Variants in PTPRU observed in about 807,000 individuals in gnomAD.
The protein encoded by PTPRU is receptor-type tyrosine-protein phosphatase U.
A neutral mutation model predicts 166.3 loss-of-function variants in PTPRU; 69 were observed. The observed-to-expected ratio is 0.41, with a 90% CI of 0.34 to 0.51. The LOEUF (loss-of-function observed/expected upper bound fraction) is 0.51. Ranked by LOEUF, PTPRU falls within the 20% of genes least tolerant of loss-of-function variation. The pLI, the probability that PTPRU is intolerant of heterozygous loss-of-function variation, is 0.09. For missense variants in PTPRU, 1,657 were observed against 2,013.7 expected (o/e 0.82, Z 3.39); for synonymous variants, 793 against 814.0 (o/e 0.97, Z 0.44).
rs200966742 is a variant in PTPRU, at chr1:29,314,913, G to T, written c.3228-459G>T. On this transcript the variant is annotated intron_variant, in intron 22 of 29. Transcript: ENST00000373779. ...GTTTTAATAAAAACCTGCCCACGTT[G>T]CTTTGGGAACTCAAAAGAATGACAT... Among the ~76,000 whole-genome samples the T allele has an allele frequency of 1.3e-4, 20 of 152,284 alleles. 1 individual carries two copies. The East Asian group carries it at 3.5e-3, about 26-fold the overall frequency.
intron 15 of PTPRU, among the ~76,000 whole-genome samples, chr1:29,293,091 T>G (rs1686717096): frequency 6.6e-6 from 1 of 152,198 alleles, no homozygotes. Flanking sequence ...GCAATTCTCC[T>G]GGCTCAGCCT....
rs1291076988 is a variant in PTPRU at position 29,280,956 on chromosome 1, C to G, written c.1868+815C>G. Among the ~76,000 whole-genome samples, 1 of 152,298 alleles carries G rather than the reference C, an allele frequency of 6.6e-6. No homozygotes were observed. Among genetic ancestry groups the G allele is most frequent in the South Asian group, 2.1e-4 (1 of 4,822 alleles). On this transcript the variant is annotated intron_variant, in intron 11 of 29. Transcript: ENST00000373779. This position sits in a 1 kb window ranked among gnomAD's most constrained non-coding sequence, Gnocchi z 4.2. ...ACTCAGAGCCTGAATCACTTGCCCT[C>G]AAGGCCACACAGCTAGTAAGTGGTG...
chr1:29,299,311 C>T (rs1687034772), intron 15 of PTPRU, among the ~76,000 whole-genome samples: 1 of 152,048 alleles, frequency 6.6e-6, no homozygotes, highest in African/African-American at 2.4e-5. Flanking sequence ...GGGAGAGTCC[C>T]AAAGTGGAGA....
At chr1:29,259,116 C>A (rs752473885) in intron 3 of PTPRU, 145 bp from the exon 4 acceptor site, 19 of 943,164 alleles carry the variant, frequency 2.0e-5, no homozygotes, top group Non-Finnish European at 3.0e-5. Flanking sequence ...CCCCAACTAG[C>A]TGGCTTGGGA....
chr1:29,281,877 A>G (rs1475923616), intron 11 of PTPRU, among the ~76,000 whole-genome samples: 1 of 152,246 alleles, frequency 6.6e-6, no homozygotes, highest in Admixed American at 6.5e-5. Flanking sequence ...AACTGGAAAT[A>G]TTTAAATTTG....
Position 29,315,936 on chromosome 1 carries a change from G to A in PTPRU, c.3364-66G>A. 1.3e-6 allele frequency: 2 copies of A among 1,576,176 alleles called. No individual in the cohort carries two copies. The highest frequency in any genetic ancestry group is 1.7e-5 in the Admixed American group (1 of 57,892). On this transcript the variant is annotated intron_variant, in intron 23 of 29. Coordinates refer to ENST00000373779, the MANE Select transcript of PTPRU (RefSeq NM_133178.4). The surrounding 1 kb of genome is among the most constrained non-coding windows in gnomAD (Gnocchi z 4.5). ...CTGCTTCAACCTTGAGCTTGCTTAA[G>A]CCCCATCACCACAGATCTCCAGCTT...
intron 7 of PTPRU, among the ~76,000 whole-genome samples, chr1:29,268,798 C>G (rs544296251): frequency 2.6e-4 from 39 of 152,294 alleles, no homozygotes; most frequent in Admixed American, 4.6e-4. Context: ...ATTGCACTCC[C>G]CTTAGTGTAC....
intron 7 of PTPRU, among the ~76,000 whole-genome samples, chr1:29,263,125 C>T (rs772913843): frequency 1.3e-5 from 2 of 152,208 alleles, no homozygotes; most frequent in Non-Finnish European, 2.9e-5. Context: ...GCTGAGACTA[C>T]AGGCACCCAC....
intron 7 of PTPRU, among the ~76,000 whole-genome samples, chr1:29,269,505 C>T (rs1029241547): frequency 1.3e-5 from 2 of 151,786 alleles, no homozygotes; most frequent in African/African-American, 4.8e-5. Context: ...CTGGCCAGGA[C>T]GGAAGCTGGG....
intron 7 of PTPRU, among the ~76,000 whole-genome samples, chr1:29,264,824 A>C (rs555438656): frequency 2.6e-5 from 4 of 152,200 alleles, no homozygotes; most frequent in African/African-American, 4.8e-5. Context: ...GTAGATCTTT[A>C]TTACCATTTG....
In PTPRU at chr1:29,236,750, C is replaced by T. The variant is rs753055630; in HGVS notation, c.73+33C>T. The T allele has an allele frequency of 3.9e-5, 54 of 1,393,890 alleles. No individual in the cohort carries two copies. Among genetic ancestry groups the T allele is most frequent in the Middle Eastern group, 3.7e-4 (2 of 5,450 alleles). 86.3% of individuals were successfully genotyped at this position (1,393,890 alleles called of 1,614,324 possible). On this transcript the variant is annotated intron_variant, in intron 1 of 29. Transcript: ENST00000373779. This position sits in a 1 kb window ranked among gnomAD's most constrained non-coding sequence, Gnocchi z 4.6. ...CGCGGCGGCCGGACCGAGCCTGCCC[C>T]GCCGAGCCTCGGGGCCCGTGGCGTA...
In PTPRU at chr1:29,237,637, C is replaced by T. The variant is rs1177413119; in HGVS notation, c.73+920C>T. Among the ~76,000 whole-genome samples, 3 of 151,498 alleles carry T rather than the reference C, an allele frequency of 2.0e-5. No homozygotes were observed. The highest frequency in any genetic ancestry group is 2.0e-4 in the East Asian group (1 of 5,102). Reference sequence around the variant, plus strand: ...GCGGCGCCCCCTGGGCTGCCCGGGTCGGGCAGGGCCCGAGGCTCAGGGGAG... The same window carrying T: ...GCGGCGCCCCCTGGGCTGCCCGGGTTGGGCAGGGCCCGAGGCTCAGGGGAG... On this transcript the variant is annotated intron_variant, in intron 1 of 29. Coordinates refer to ENST00000373779, the MANE Select transcript of PTPRU (RefSeq NM_133178.4). The surrounding 1 kb of genome is among the most constrained non-coding windows in gnomAD (Gnocchi z 6.4).
rs925489681 is a variant in PTPRU at position 29,238,380 on chromosome 1, C to T, written c.73+1663C>T. On this transcript the variant is annotated intron_variant, in intron 1 of 29. Transcript: ENST00000373779. The surrounding 1 kb of genome is among the most constrained non-coding windows in gnomAD (Gnocchi z 6.1). ...TGACCTCCCCCGCCCTCGCCACCGG[C>T]GGGGCTGCTCCGCGGGCTCCGGGTA... Among the ~76,000 whole-genome samples the T allele has an allele frequency of 1.3e-5, 2 of 152,066 alleles. No individual in the cohort carries two copies. The highest frequency in any genetic ancestry group is 2.9e-5 in the Non-Finnish European group (2 of 67,968).
At position 29,255,331 on chromosome 1, in the gene PTPRU, G is replaced by C. The variant is rs761123118; in HGVS notation, c.130G>C (p.Ala44Pro). The C allele has an allele frequency of 6.2e-7, 1 of 1,614,158 alleles. No individual in the cohort carries two copies. The highest frequency in any genetic ancestry group is 8.5e-7 in the Non-Finnish European group (1 of 1,180,016). The change falls in exon 2 of 30, where the codon GCC becomes CCC. Residue 44 changes from alanine (A) to proline (P), a missense_variant. This residue lies in a region of PTPRU where 453 missense variants were observed against 496.9 expected (regional missense o/e 0.91). Transcript: ENST00000373779. ...DPAVPCEYSQ[A>P]QYDDFQWEQV... ...AGCAGTGCCCTGCGAGTACAGCCAG[G>C]CCCAGTACGATGACTTCCAGTGGGA...
rs1383354069 is a variant in PTPRU, at chr1:29,271,322, G to A, written c.1145-4126G>A. Among the ~76,000 whole-genome samples the A allele has an allele frequency of 6.6e-6, 1 of 152,142 alleles. No individual in the cohort carries two copies. The highest frequency in any genetic ancestry group is 1.5e-5 in the Non-Finnish European group (1 of 68,036). The stretch of plus-strand genomic sequence containing the variant: ...TTTTAGAAACGTGGAGAAACTCATG[G>A]ATTCACACCCCTCAATCAACATATC... On this transcript the variant is annotated intron_variant, in intron 7 of 29. Transcript: ENST00000373779. This position sits in a 1 kb window ranked among gnomAD's most constrained non-coding sequence, Gnocchi z 4.4.
At chr1:29,318,823 T>C (rs547453479) in intron 25 of PTPRU, among the ~76,000 whole-genome samples, 1 of 152,272 alleles carries the variant, frequency 6.6e-6, no homozygotes, top group African/African-American at 2.4e-5. Context: ...GCAGCCTCGC[T>C]CATGGGAGGA....
chr1:29,239,259 G>C (rs1683928477), intron 1 of PTPRU, among the ~76,000 whole-genome samples: 2 of 152,202 alleles, frequency 1.3e-5, no homozygotes, highest in South Asian at 2.1e-4. Flanking sequence ...AATGGCTCCG[G>C]AGCTTCCGGG....
rs571455491 is a variant in PTPRU at position 29,274,355 on chromosome 1, A to G, written c.1145-1093A>G. On this transcript the variant is annotated intron_variant, in intron 7 of 29. Transcript: ENST00000373779. Reference sequence around the variant, plus strand: ...CGCCTGGTCGAGATAAAGCATTTTAAAGACTCGAGAACAATGCCCAGCCTA... The same window carrying G: ...CGCCTGGTCGAGATAAAGCATTTTAGAGACTCGAGAACAATGCCCAGCCTA... 2.6e-5 allele frequency among the ~76,000 whole-genome samples: 4 copies of G among 152,350 alleles called. No individual in the cohort carries two copies. In the East Asian group the frequency reaches 7.7e-4, roughly 29 times the overall value.
At position 29,297,677 on chromosome 1, in the gene PTPRU, C is replaced by T. The variant is rs536263785; in HGVS notation, c.2476+5651C>T. ...GTGGGTGCTAGAGAGAGCGGGAGAT[C>T]AGGGTGGTGTGGGCTCATGCCTAAC... On this transcript the variant is annotated intron_variant, in intron 15 of 29. Transcript: ENST00000373779. Among the ~76,000 whole-genome samples the T allele has an allele frequency of 2.0e-5, 3 of 152,208 alleles. No individual in the cohort carries two copies. The South Asian group carries it at 6.2e-4, about 32-fold the overall frequency.
Sources: gnomAD v4.1 joint callset for allele counts (sites outside exome capture counted in the v4.1 genomes callset) on GRCh38, gnomAD v4.1.1 for gene constraint, gnomAD v4.1.1 regional missense constraint, Gnocchi (gnomAD v3.1) non-coding constraint, MANE v1.5 for transcripts, NCBI Gene and HGNC (gene_info 2026-07-23, HGNC 2026-07-21) for gene names.